Variants in INPP5B observed in about 807,000 individuals in gnomAD.
The protein encoded by INPP5B is type II inositol 1,4,5-trisphosphate 5-phosphatase.
INPP5B carries 90 observed loss-of-function variants against 118.5 expected under a neutral mutation model. The observed-to-expected ratio is 0.76, with a 90% CI of 0.64 to 0.90. The LOEUF is 0.90. INPP5B is among the 40% of genes least tolerant of loss of function. The pLI is 0.00. For missense variants in INPP5B, 984 were observed against 1,125.6 expected (o/e 0.87, Z 1.80); for synonymous variants, 385 against 418.9 (o/e 0.92, Z 0.99).
chr1:37,911,958 G>C (rs1644715074), intron 7 of INPP5B, among the ~76,000 whole-genome samples: 1 of 152,178 alleles, frequency 6.6e-6, no homozygotes, highest in African/African-American at 2.4e-5. Flanking sequence ...CTCAGAATTA[G>C]AGCCTGTCCT....
chr1:37,865,650 G>C (rs1557613582), intron 22 of INPP5B, 111 bp downstream of exon 22: 1 of 1,208,024 alleles, frequency 8.3e-7, no homozygotes, highest in Non-Finnish European at 1.2e-6. Context: ...GAGAAGGAAA[G>C]ATAAGGTGTT....
At chr1:37,880,223 T>A (rs767041963) in intron 14 of INPP5B, 29 bp from the exon 15 acceptor site, 27 of 1,522,748 alleles carry the variant, frequency 1.8e-5, no homozygotes, top group Middle Eastern at 1.7e-4. Flanking sequence ...GAAAAAAAAA[T>A]ATCAGAATAA....
At chr1:37,885,351 C>T (rs1369542732) in intron 13 of INPP5B, among the ~76,000 whole-genome samples, 1 of 151,638 alleles carries the variant, frequency 6.6e-6, no homozygotes, top group East Asian at 2.0e-4. Flanking sequence ...GAGGCGGAGC[C>T]TGTAGTGAGC....
chr1:37,864,143 G>A (rs1480888844), intron 23 of INPP5B, among the ~76,000 whole-genome samples, 169 bp downstream of exon 23: 1 of 151,996 alleles, frequency 6.6e-6, no homozygotes, highest in Non-Finnish European at 1.5e-5. Context: ...TGTGTTGTTA[G>A]GAGTGGGGAG....
At chr1:37,934,698 GAGT>G (rs1421574933) in intron 6 of INPP5B, among the ~76,000 whole-genome samples, 1 of 152,158 alleles carries the variant, frequency 6.6e-6, no homozygotes, top group Non-Finnish European at 1.5e-5. Context: ...GGTTGGTACA[GAGT>G]TTCTCTGCTG....
rs1643494306 is a variant in INPP5B, at chr1:37,885,814, T to C, written c.1143A>G (p.Gly381=). The change falls in exon 13 of 24, where the codon GGA becomes GGG. Residue 381 remains glycine (G), a synonymous_variant. Transcript: ENST00000373024. The part of the protein sequence containing the change: ...TGIMGRMGNK[G]GVAIRFQFHN... ...GGAACTGGAACCTGATCGCCACGCCTCCCTTGTTGCCCTATGGAAAGGATC... is the reference window on the plus strand; with the variant it reads ...GGAACTGGAACCTGATCGCCACGCCCCCCTTGTTGCCCTATGGAAAGGATC... 3.1e-6 allele frequency: 5 copies of C among 1,613,840 alleles called. No individual in the cohort carries two copies. Among genetic ancestry groups the C allele is most frequent in the Non-Finnish European group, 4.2e-6 (5 of 1,179,860 alleles).
intron 7 of INPP5B, among the ~76,000 whole-genome samples, chr1:37,913,883 C>T (rs892432528): frequency 7.9e-5 from 12 of 152,176 alleles, no homozygotes; most frequent in African/African-American, 2.9e-4. Context: ...CACAAAAGAA[C>T]TGAAAATAGC....
At chr1:37,913,877 A>T (rs1157786133) in intron 7 of INPP5B, among the ~76,000 whole-genome samples, 2 of 152,170 alleles carry the variant, frequency 1.3e-5, no homozygotes, top group African/African-American at 4.8e-5. Flanking sequence ...AAGATCCACA[A>T]AAGAACTGAA....
chr1:37,895,784 G>A lies in INPP5B; in HGVS notation c.533-4330C>T, dbSNP rs576556067. 1.4e-4 allele frequency among the ~76,000 whole-genome samples: 22 copies of A among 152,316 alleles called. No homozygotes were observed. The East Asian group carries it at 4.1e-3, about 28-fold the overall frequency. On this transcript the variant is annotated intron_variant, in intron 7 of 23. Coordinates refer to ENST00000373024, the MANE Select transcript of INPP5B (RefSeq NM_005540.3). ...CCAGCCTCGGCCTCCTGAGGTGCCGGGATTGCAGACGGAGTCTCGTTCACT... is the reference window on the plus strand; with the variant it reads ...CCAGCCTCGGCCTCCTGAGGTGCCGAGATTGCAGACGGAGTCTCGTTCACT...
rs1223623292 is a variant in INPP5B at position 37,943,621 on chromosome 1, G to C, written c.280+19C>G. The C allele has an allele frequency of 6.2e-7, 1 of 1,613,776 alleles. No individual in the cohort carries two copies. The highest frequency in any genetic ancestry group is 8.5e-7 in the Non-Finnish European group (1 of 1,179,820). On this transcript the variant is annotated intron_variant, in intron 5 of 23. Coordinates refer to ENST00000373024, the MANE Select transcript of INPP5B (RefSeq NM_005540.3). ...GCACCCCTGCCCCGAGTGGGACCCA[G>C]ACCAAGAGGACCACTCACCAAGGAT...
At chr1:37,931,385 A>G in intron 7 of INPP5B, 2 of 1,404,690 alleles carry the variant, frequency 1.4e-6, no homozygotes, top group South Asian at 2.7e-5. Flanking sequence ...AGAGAGGGGC[A>G]GCGAGTGGCC....
chr1:37,873,367 CAACA>C (rs1236432887), intron 18 of INPP5B: 2 of 578,596 alleles, frequency 3.5e-6, no homozygotes, highest in Non-Finnish European at 6.2e-6. Context: ...AATATGAAAA[CAACA>C]AACAAAAACA....
At chr1:37,892,841 C>T (rs998374117) in intron 7 of INPP5B, among the ~76,000 whole-genome samples, 3 of 151,908 alleles carry the variant, frequency 2.0e-5, no homozygotes, top group Non-Finnish European at 4.4e-5. Context: ...GGGTGGAGCC[C>T]TCATGATTGG....
At chr1:37,863,224 A>T (rs72661861) in intron 23 of INPP5B, among the ~76,000 whole-genome samples, 34,023 of 151,264 alleles carry the variant, frequency 0.22, 4,445 homozygotes, top group Non-Finnish European at 0.28. Flanking sequence ...AAAAAAAAAA[A>T]AAAAAAAAAG....
At chr1:37,906,717 A>C (rs1293911116) in intron 7 of INPP5B, among the ~76,000 whole-genome samples, 2 of 151,926 alleles carry the variant, frequency 1.3e-5, no homozygotes, top group African/African-American at 4.8e-5. Flanking sequence ...AAAATTAGCC[A>C]GGCATGGTGG....
rs28674846 is a variant in INPP5B, at chr1:37,940,666, G to C, written c.391+22C>G. Reference sequence around the variant, plus strand: ...ATACCCAGCAACCCACCCACCCCCAGGGAGCCTGGGGTCTTACCTACCTGG... The same window carrying C: ...ATACCCAGCAACCCACCCACCCCCACGGAGCCTGGGGTCTTACCTACCTGG... On this transcript the variant is annotated intron_variant, in intron 6 of 23. Coordinates refer to ENST00000373024, the MANE Select transcript of INPP5B (RefSeq NM_005540.3). 2.7e-6 allele frequency: 4 copies of C among 1,506,816 alleles called. No homozygotes were observed. In the African/African-American group the frequency reaches 5.5e-5, roughly 21 times the overall value. The allele number at this position is 1,506,816 out of a possible 1,614,324, so 93.3% of individuals were successfully genotyped here.
intron 7 of INPP5B, among the ~76,000 whole-genome samples, chr1:37,910,922 A>T (rs1197027236): frequency 1.3e-5 from 2 of 151,898 alleles, no homozygotes; most frequent in African/African-American, 4.8e-5. Context: ...TAAATCCTAA[A>T]TCCTTTCCCC....
intron 16 of INPP5B, 119 bp from the exon 17 acceptor site, chr1:37,875,835 C>T (rs779650155): frequency 4.4e-6 from 3 of 675,912 alleles, no homozygotes; most frequent in Admixed American, 5.2e-5. Flanking sequence ...AAAACAAAGG[C>T]TATAGATTTA....
chr1:37,871,450 G>A (rs1215396036), intron 19 of INPP5B, among the ~76,000 whole-genome samples: 2 of 151,064 alleles, frequency 1.3e-5, no homozygotes, highest in South Asian at 2.1e-4. Context: ...AGAGTGAGAC[G>A]CCGACTCACA....
Sources: gnomAD v4.1 joint callset for allele counts (sites outside exome capture counted in the v4.1 genomes callset) on GRCh38, gnomAD v4.1.1 for gene constraint, MANE v1.5 for transcripts, NCBI Gene and HGNC (gene_info 2026-07-23, HGNC 2026-07-21) for gene names.